The following ERG variants were observed in gnomAD, a reference collection of about 807,000 sequenced individuals.
ERG encodes ETS transcription factor ERG.
In ERG, 9 loss-of-function variants were observed where a neutral mutation model predicts 55.3. The ratio of observed to expected loss-of-function variants is 0.16; its 90% CI spans 0.10 to 0.28. ERG has a LOEUF of 0.28. Ranked by LOEUF, ERG falls within the 10% of genes least tolerant of loss-of-function variation. The pLI, the probability that ERG is intolerant of heterozygous loss-of-function variation, is 1.00. For missense variants in ERG, 434 were observed against 631.6 expected, an observed-to-expected ratio of 0.69 and a Z score of 3.35; for synonymous variants, 223 against 237.3, an observed-to-expected ratio of 0.94 and a Z score of 0.55.
the ERG span, chr21:38,367,576 A>T: frequency 2.0e-6 from 1 of 511,854 alleles, no homozygotes. Context: ...GCCTTCTATG[A>T]CCCAGTCCCA....
chr21:38,508,398 TA>T (rs150553258), intron 2 of ERG, among the ~76,000 whole-genome samples: 28 of 147,376 alleles, frequency 1.9e-4, no homozygotes, highest in African/African-American at 3.2e-4. Flanking sequence ...GGATAGTCAA[TA>T]AAAAAAAAAT....
In ERG at chr21:38,426,706, G is replaced by A. The variant is rs547625986; in HGVS notation, c.237-3145C>T. Among the ~76,000 whole-genome samples, 11 of 151,668 alleles carry A rather than the reference G, an allele frequency of 7.3e-5. No individual in the cohort carries two copies. The South Asian group carries it at 1.3e-3, about 17-fold the overall frequency. ...AGCACTTTGGGAGGCCGAGCTGGGC[G>A]GATCACCTGAGGTCGGGAGTTTGAG... On this transcript the variant is annotated intron_variant, in intron 2 of 9. Transcript: ENST00000288319.
intron 1 of ERG, among the ~76,000 whole-genome samples, chr21:38,466,191 T>C (rs910428744): frequency 6.6e-6 from 1 of 152,168 alleles, no homozygotes; most frequent in Admixed American, 6.6e-5. Context: ...GTCTTGTTGT[T>C]GTCCATGTAT....
chr21:38,606,050 A>G (rs898526007), intron 1 of ERG, among the ~76,000 whole-genome samples: 4 of 147,340 alleles, frequency 2.7e-5, no homozygotes, highest in African/African-American at 9.7e-5. Flanking sequence ...TAAATGATAA[A>G]TGATTGATAA....
intron 2 of ERG, among the ~76,000 whole-genome samples, chr21:38,538,539 G>C (rs1244502351): frequency 6.6e-6 from 1 of 152,108 alleles, no homozygotes; most frequent in Non-Finnish European, 1.5e-5. Context: ...TGCACTGGGA[G>C]AGGCATTGTC....
chr21:38,446,226 CAAAAAAAAAAAA>C (rs71184626), intron 1 of ERG, among the ~76,000 whole-genome samples: 1 of 63,596 alleles, frequency 1.6e-5, no homozygotes, highest in African/African-American at 7.6e-5. Context: ...ATAAATGAAC[CAAAAAAAAAAAA>C]AAAAAAAAAA....
chr21:38,378,367 A>C (rs1987297241), downstream of ERG, among the ~76,000 whole-genome samples: 2 of 152,370 alleles, frequency 1.3e-5, no homozygotes, highest in South Asian at 4.1e-4. Context: ...ACAAAGGCTG[A>C]CCATTCCATC....
chr21:38,659,449 C>G (rs911640874), intron 1 of ERG, among the ~76,000 whole-genome samples: 1 of 152,230 alleles, frequency 6.6e-6, no homozygotes, highest in Non-Finnish European at 1.5e-5. Context: ...CCAATGCCAG[C>G]GGAGCAAGGG....
intron 2 of ERG, among the ~76,000 whole-genome samples, chr21:38,548,191 C>G (rs1409756265): frequency 6.6e-6 from 1 of 152,036 alleles, no homozygotes; most frequent in Non-Finnish European, 1.5e-5. Flanking sequence ...CCAACCCCAC[C>G]TCTTATGTCC....
At chr21:38,509,752 T>C (rs2059496925) in intron 2 of ERG, among the ~76,000 whole-genome samples, 2 of 152,150 alleles carry the variant, frequency 1.3e-5, no homozygotes, top group Non-Finnish European at 2.9e-5. Flanking sequence ...CCTTTGTGAC[T>C]TGCAGAGAAA....
intron 1 of ERG, among the ~76,000 whole-genome samples, chr21:38,619,573 AACAGGGATAGCTCAGGAGGCCCTAC>A (rs1362498783): frequency 6.6e-6 from 1 of 152,242 alleles, no homozygotes; most frequent in Non-Finnish European, 1.5e-5. Context: ...CTGAGATTCT[AACAGGGATAGCTCAGGAGGCCCTAC>A]ACAATGTATT....
chr21:38,466,385 A>C (rs1256991626), intron 1 of ERG, among the ~76,000 whole-genome samples: 1 of 151,640 alleles, frequency 6.6e-6, no homozygotes, highest in African/African-American at 2.4e-5. Context: ...ATATATATAA[A>C]TCATCTCATC....
At chr21:38,543,186 A>G (rs565150859) in intron 2 of ERG, among the ~76,000 whole-genome samples, 1 of 152,244 alleles carries the variant, frequency 6.6e-6, no homozygotes, top group Admixed American at 6.5e-5. Flanking sequence ...AAATATCTAA[A>G]ATGTATATTA....
At chr21:38,639,061 G>T (rs971438573) in intron 1 of ERG, among the ~76,000 whole-genome samples, 1 of 152,032 alleles carries the variant, frequency 6.6e-6, no homozygotes, top group African/African-American at 2.4e-5. Flanking sequence ...CCTTTCCACA[G>T]CTGACAACAG....
intron 3 of ERG, 52 bp downstream of exon 3, chr21:38,423,358 G>T: frequency 6.4e-7 from 1 of 1,571,736 alleles, no homozygotes; most frequent in East Asian, 2.3e-5. Context: ...GCTCAGCCTA[G>T]CCTTGGGGAA....
At chr21:38,425,240 G>A (rs141438210) in intron 2 of ERG, among the ~76,000 whole-genome samples, 1,692 of 152,028 alleles carry the variant, frequency 0.011, 15 homozygotes, top group African/African-American at 0.025. Context: ...AAAATTAGCT[G>A]GGCAAGTGGT....
intron 2 of ERG, among the ~76,000 whole-genome samples, chr21:38,436,442 A>C (rs945390672): frequency 6.6e-6 from 1 of 152,142 alleles, no homozygotes; most frequent in African/African-American, 2.4e-5. Flanking sequence ...ACACGTGGAG[A>C]GAACCTTGCT....
chr21:38,627,048 A>T (rs1407434513), intron 1 of ERG, among the ~76,000 whole-genome samples: 1 of 152,190 alleles, frequency 6.6e-6, no homozygotes, highest in Non-Finnish European at 1.5e-5. Context: ...AAACAATGAA[A>T]CTATCAAAAC....
chr21:38,383,487 G>A lies in ERG; in HGVS notation c.1356C>T (p.Tyr452=), dbSNP rs1240625071. The change falls in exon 10 of 10, where the codon TAC becomes TAT. Residue 452 remains tyrosine (Y), a synonymous_variant. Coordinates refer to ENST00000288319, the MANE Select transcript of ERG (RefSeq NM_182918.4). The surrounding 1 kb of genome is among the most constrained non-coding windows in gnomAD (Gnocchi z 5.7). ...ATATACCCCCAGTTGGTGAATTCCA[G>A]TATGGGTTTGGGGCAGCAAAAAAAC... ...SSSFFAAPNP[Y]WNSPTGGIYP... 2 of 1,542,342 alleles carry A rather than the reference G, an allele frequency of 1.3e-6. No homozygotes were observed. The highest frequency in any genetic ancestry group is 1.8e-6 in the Non-Finnish European group (2 of 1,142,142).
Sources: allele counts gnomAD v4.1 joint callset (sites outside exome capture counted in the v4.1 genomes callset), GRCh38; gene constraint gnomAD v4.1.1; non-coding constraint Gnocchi (gnomAD v3.1); transcripts MANE v1.5; gene names NCBI Gene and HGNC (gene_info 2026-07-23, HGNC 2026-07-21).